Variants in TERB1 observed in about 807,000 individuals in gnomAD.
The protein encoded by TERB1 is telomere repeat binding bouquet formation protein 1.
Under a neutral mutation model 92.3 loss-of-function variants are expected in TERB1, and 63 were observed. That is an observed-to-expected ratio of 0.68 (90% CI 0.56 to 0.84). The LOEUF (loss-of-function observed/expected upper bound fraction) is 0.84, where lower values mean the gene tolerates loss of function less well. TERB1 is among the 40% of genes least tolerant of loss of function. TERB1 has a pLI of 0.00. For synonymous variants in TERB1, 252 were observed against 283.9 expected, an observed-to-expected ratio of 0.89 and a Z score of 1.13; for missense variants, 709 against 843.7, an observed-to-expected ratio of 0.84 and a Z score of 1.98.
chr16:66,799,943 G>A (rs1195097536), intron 2 of TERB1: 3 of 152,164 alleles, frequency 2.0e-5, no homozygotes, highest in African/African-American at 7.2e-5. Flanking sequence ...ATGACAGAGA[G>A]AACCTCTCCC....
intron 5 of TERB1, among the ~76,000 whole-genome samples, chr16:66,788,682 G>A (rs547314973): frequency 4.6e-5 from 7 of 151,112 alleles, no homozygotes; most frequent in African/African-American, 7.3e-5. Context: ...GAAAACAGAG[G>A]GACAAACAAT....
At chr16:66,801,084 G>T (rs1212532727) in intron 1 of TERB1, 31 bp from the exon 2 acceptor site, 2 of 152,344 alleles carry the variant, frequency 1.3e-5, no homozygotes, top group Non-Finnish European at 2.9e-5. Context: ...GGTTAGCCGC[G>T]CGGGCCACTC....
rs1263524964 is a variant in TERB1 at position 66,778,421 on chromosome 16, C to T, written c.853+442G>A. On this transcript the variant is annotated intron_variant, in intron 10 of 18. Transcript: ENST00000433154. ...GCCTGAAATTTTTAATTTAATGCTGCCTTTTTTTCCAGATGGAGTTTTGTA... is the reference window on the plus strand; with the variant it reads ...GCCTGAAATTTTTAATTTAATGCTGTCTTTTTTTCCAGATGGAGTTTTGTA... 2.0e-5 allele frequency among the ~76,000 whole-genome samples: 3 copies of T among 151,634 alleles called. 1 individual carries two copies. Among genetic ancestry groups the T allele is most frequent in the South Asian group, 4.2e-4 (2 of 4,782 alleles).
intron 9 of TERB1, among the ~76,000 whole-genome samples, chr16:66,785,014 C>T (rs536625704): frequency 1.0e-4 from 14 of 138,286 alleles, no homozygotes; most frequent in Admixed American, 2.9e-4. Flanking sequence ...TGACCCACTG[C>T]GTCTGGCTTT....
At chr16:66,771,302 G>A (rs1229520885) in intron 13 of TERB1, among the ~76,000 whole-genome samples, 1 of 152,174 alleles carries the variant, frequency 6.6e-6, no homozygotes, top group Non-Finnish European at 1.5e-5. Context: ...TCAAAACGCT[G>A]TGGGGAAACA....
Position 66,790,659 on chromosome 16 carries a change from T to C in TERB1, c.207A>G (p.Ser69=). Reference sequence around the variant, plus strand: ...CTTCTTTTACCATGCTATGTTCACTTGACTTTGCAAGATTTTTTACAAACA... The same window carrying C: ...CTTCTTTTACCATGCTATGTTCACTCGACTTTGCAAGATTTTTTACAAACA... The part of the protein sequence containing the change: ...GLMFVKNLAK[S]SEHSMVKEAA... The change falls in exon 5 of 19, where the codon TCA becomes TCG. Residue 69 remains serine, a synonymous_variant. Transcript: ENST00000433154. 1 of 1,551,074 alleles carries C rather than the reference T, an allele frequency of 6.4e-7. No homozygotes were observed. Among genetic ancestry groups the C allele is most frequent in the South Asian group, 1.2e-5 (1 of 84,038 alleles).
At chr16:66,774,851 T>A (rs902170826) in intron 12 of TERB1, among the ~76,000 whole-genome samples, 1 of 151,878 alleles carries the variant, frequency 6.6e-6, no homozygotes, top group Non-Finnish European at 1.5e-5. Context: ...CATGCCCAGA[T>A]AATTTTTTCT....
chr16:66,786,629 A>AT (rs547843464), intron 6 of TERB1, among the ~76,000 whole-genome samples: 5 of 152,182 alleles, frequency 3.3e-5, no homozygotes, highest in East Asian at 3.9e-4. Context: ...ATCTAGAAAC[A>AT]TTTTTTTTAA....
intron 11 of TERB1, 88 bp downstream of exon 11, chr16:66,777,115 C>T (rs1317621712): frequency 1.6e-6 from 2 of 1,259,876 alleles, no homozygotes; most frequent in Admixed American, 5.5e-5. Flanking sequence ...ACTTTTAAGA[C>T]CTTCACATAA....
At chr16:66,789,515 C>A (rs1391312832) in intron 5 of TERB1, among the ~76,000 whole-genome samples, 1 of 41,200 alleles carries the variant, frequency 2.4e-5, no homozygotes, top group Non-Finnish European at 3.7e-5. Flanking sequence ...ACCTGGGAGG[C>A]GGAGCTTGCA....
chr16:66,793,534 T>G (rs906326318), intron 3 of TERB1, among the ~76,000 whole-genome samples: 2 of 151,490 alleles, frequency 1.3e-5, no homozygotes, highest in Non-Finnish European at 2.9e-5. Context: ...TTTTTTGAAA[T>G]GGAGTCTCAC....
chr16:66,790,058 C>T (rs1172019716), intron 5 of TERB1, among the ~76,000 whole-genome samples: 1 of 152,118 alleles, frequency 6.6e-6, no homozygotes, highest in East Asian at 1.9e-4. Context: ...TAAAGTTGGT[C>T]TGACAAAACA....
intron 16 of TERB1, among the ~76,000 whole-genome samples, chr16:66,763,279 C>T (rs558381607): frequency 2.6e-5 from 4 of 152,212 alleles, no homozygotes; most frequent in Middle Eastern, 6.8e-3. Context: ...GACTTACATT[C>T]GGTTAACATA....
At chr16:66,779,214 A>G (rs1006702551) in intron 9 of TERB1, among the ~76,000 whole-genome samples, 199 bp from the exon 10 acceptor site, 2 of 152,220 alleles carry the variant, frequency 1.3e-5, no homozygotes, top group African/African-American at 4.8e-5. Flanking sequence ...TTACTTTGAC[A>G]CAGTAAAACT....
rs1365480889 is a variant in TERB1, at chr16:66,772,810, C to T, written c.1112-61G>A. ...TATTTAAACACTTTATATATAAGGA[C>T]AACTTCACAGCCCACCCTCTCCTTT... On this transcript the variant is annotated intron_variant, in intron 12 of 18. Coordinates refer to ENST00000433154, the MANE Select transcript of TERB1 (RefSeq NM_001136505.2). 3.2e-6 allele frequency: 4 copies of T among 1,264,868 alleles called. No homozygotes were observed. In the East Asian group the frequency reaches 1.0e-4, roughly 32 times the overall value. 78.4% of individuals were successfully genotyped at this position (1,264,868 alleles called of 1,614,324 possible).
chr16:66,762,392 G>GT (rs1029016191), intron 16 of TERB1, among the ~76,000 whole-genome samples: 5 of 151,644 alleles, frequency 3.3e-5, no homozygotes, highest in Admixed American at 1.3e-4. Flanking sequence ...TTGTTTGTTT[G>GT]TTTTTTTTCC....
At chr16:66,782,119 T>C (rs1486486036) in intron 9 of TERB1, among the ~76,000 whole-genome samples, 3 of 152,242 alleles carry the variant, frequency 2.0e-5, no homozygotes, top group Non-Finnish European at 4.4e-5. Context: ...ATTTTGCATA[T>C]AGATACCCAC....
intron 3 of TERB1, among the ~76,000 whole-genome samples, chr16:66,791,308 G>A (rs2018831485): frequency 6.6e-6 from 1 of 151,596 alleles, no homozygotes; most frequent in Non-Finnish European, 1.5e-5. Context: ...TTAAATATCT[G>A]TCATTTAGAA....
chr16:66,793,219 T>G (rs1263463541), intron 3 of TERB1, among the ~76,000 whole-genome samples: 1 of 140,988 alleles, frequency 7.1e-6, no homozygotes, highest in East Asian at 2.0e-4. Context: ...TGGTTTTTTT[T>G]TTTTTTTTTT....
Sources: gnomAD v4.1 joint callset for allele counts (sites outside exome capture counted in the v4.1 genomes callset) on GRCh38, gnomAD v4.1.1 for gene constraint, MANE v1.5 for transcripts, NCBI Gene and HGNC (gene_info 2026-07-23, HGNC 2026-07-21) for gene names.